Variants in REPS2 observed in about 807,000 individuals in gnomAD.
REPS2 encodes ralBP1-associated Eps domain-containing protein 2.
A neutral mutation model predicts 53.6 loss-of-function variants in REPS2; 23 were observed. That is an observed-to-expected ratio of 0.43 (90% CI 0.31 to 0.61). The LOEUF is 0.61. Among genes scored for constraint, REPS2 ranks in the 20% least tolerant of loss-of-function variants. The pLI is 0.11. For missense variants in REPS2, 446 were observed against 534.9 expected (o/e 0.83, Z 1.64); for synonymous variants, 238 against 218.6 (o/e 1.09, Z -0.78).
At position 17,120,668 on chromosome X, in the gene REPS2, G is replaced by A. The variant is rs763030682; in HGVS notation, c.1579-13156G>A. On this transcript the variant is annotated intron_variant, in intron 14 of 17. Coordinates refer to ENST00000357277, the MANE Select transcript of REPS2 (RefSeq NM_004726.3). Reference sequence around the variant, plus strand: ...CCCAGAATGAGTGCTGAAGTGGCTCGCTAAAGCACTTGCAGTCAAAGCACA... The same window carrying A: ...CCCAGAATGAGTGCTGAAGTGGCTCACTAAAGCACTTGCAGTCAAAGCACA... 8.1e-5 allele frequency among the ~76,000 whole-genome samples: 9 copies of A among 111,378 alleles called. No homozygotes were observed. The East Asian group carries it at 2.0e-3, about 25-fold the overall frequency.
intron 8 of REPS2, among the ~76,000 whole-genome samples, chrX:17,061,238 A>C (rs1335832852): frequency 1.8e-5 from 2 of 112,184 alleles, no homozygotes; most frequent in East Asian, 2.8e-4. Context: ...TTCCTTACTT[A>C]CTTACTGTAT....
At chrX:17,033,325 C>A (rs1243001535) in intron 5 of REPS2, among the ~76,000 whole-genome samples, 1 of 111,641 alleles carries the variant, frequency 9.0e-6, no homozygotes, top group African/African-American at 3.3e-5. Flanking sequence ...TCTGCCCTCC[C>A]CTTGTTATGC....
the REPS2 span, among the ~76,000 whole-genome samples, chrX:17,185,034 T>G: frequency 9.0e-6 from 1 of 111,500 alleles, no homozygotes. Context: ...ATTGTGTGGG[T>G]TGCCAGTTTG....
chrX:16,967,416 C>T (rs1349317209), intron 1 of REPS2, among the ~76,000 whole-genome samples: 1 of 110,089 alleles, frequency 9.1e-6, no homozygotes, highest in Non-Finnish European at 1.9e-5. Context: ...TAGTTTATGC[C>T]TGTAATCCCA....
chrX:16,989,335 CAT>C (rs2061133847), intron 1 of REPS2, among the ~76,000 whole-genome samples: 1 of 108,492 alleles, frequency 9.2e-6, no homozygotes, highest in Non-Finnish European at 1.9e-5. Context: ...CAATGTAAAA[CAT>C]AAAACTATAA....
chrX:17,013,693 C>T (rs993806011), intron 2 of REPS2, among the ~76,000 whole-genome samples: 1 of 109,914 alleles, frequency 9.1e-6, no homozygotes, highest in Non-Finnish European at 1.9e-5. Flanking sequence ...ATTTTGAACA[C>T]TAAATACTAT....
At chrX:17,094,647 A>C (rs1406959886) in intron 13 of REPS2, among the ~76,000 whole-genome samples, 1 of 111,824 alleles carries the variant, frequency 8.9e-6, no homozygotes, top group African/African-American at 3.3e-5. Flanking sequence ...TCTTTCTGCT[A>C]TCTTTTAATT....
intron 17 of REPS2, among the ~76,000 whole-genome samples, chrX:17,143,124 T>A (rs1402683199): frequency 9.0e-6 from 1 of 111,524 alleles, no homozygotes; most frequent in African/African-American, 3.3e-5. Flanking sequence ...AAAACTATAG[T>A]GATGTGAAAC....
chrX:17,175,753 G>C, the REPS2 span, among the ~76,000 whole-genome samples: 119 of 112,456 alleles, frequency 1.1e-3, no homozygotes, highest in Non-Finnish European at 1.6e-3. Flanking sequence ...CCAGCTGGCC[G>C]TGTGAGAATG....
At chrX:17,100,164 A>G in intron 13 of REPS2, 1 of 637,490 alleles carries the variant, frequency 1.6e-6, no homozygotes, top group Admixed American at 2.3e-5. Context: ...TCTGACTCCC[A>G]TGTGTTGTCC....
At chrX:17,034,963 T>C (rs1194013021) in intron 5 of REPS2, among the ~76,000 whole-genome samples, 1 of 110,969 alleles carries the variant, frequency 9.0e-6, no homozygotes, top group Non-Finnish European at 1.9e-5. Flanking sequence ...TTTAACTTAG[T>C]TATCTCCTTT....
intron 1 of REPS2, among the ~76,000 whole-genome samples, chrX:16,991,230 C>T (rs1046333983): frequency 9.0e-6 from 1 of 111,499 alleles, no homozygotes; most frequent in Admixed American, 9.5e-5. Flanking sequence ...GGTTTCTAGA[C>T]ACTAGACTCG....
intron 1 of REPS2, among the ~76,000 whole-genome samples, chrX:16,985,670 C>G (rs1168790705): frequency 8.9e-6 from 1 of 112,316 alleles, no homozygotes; most frequent in East Asian, 2.8e-4. Flanking sequence ...TCACTGTAGT[C>G]AGAATAGGTG....
At chrX:17,168,388 C>T in the REPS2 span, among the ~76,000 whole-genome samples, 2 of 111,364 alleles carry the variant, frequency 1.8e-5, no homozygotes, top group Admixed American at 1.9e-4. Flanking sequence ...GTAGTGCATG[C>T]CTGTAGTCCC....
intron 1 of REPS2, among the ~76,000 whole-genome samples, chrX:16,969,691 C>A (rs1010465705): frequency 6.5e-5 from 7 of 106,984 alleles, no homozygotes; most frequent in Non-Finnish European, 1.3e-4. Context: ...GTCCAGACTC[C>A]CACGGCATCA....
At chrX:17,031,652 G>C (rs2097967135) in intron 5 of REPS2, among the ~76,000 whole-genome samples, 1 of 111,551 alleles carries the variant, frequency 9.0e-6, no homozygotes, top group African/African-American at 3.3e-5. Context: ...GATGAAAATG[G>C]GCATGGGGTA....
chrX:16,969,925 A>T (rs2060862726), intron 1 of REPS2, among the ~76,000 whole-genome samples: 1 of 112,226 alleles, frequency 8.9e-6, no homozygotes, highest in Admixed American at 9.4e-5. Flanking sequence ...ATCTCCTAGT[A>T]ATTATAACCC....
chrX:17,064,385 G>T (rs751330857), intron 9 of REPS2, among the ~76,000 whole-genome samples: 2 of 111,678 alleles, frequency 1.8e-5, no homozygotes, highest in Non-Finnish European at 3.8e-5. Flanking sequence ...AGTTTAATTA[G>T]ATTTTGGAAC....
chrX:16,988,724 A>G (rs760792262), intron 1 of REPS2, among the ~76,000 whole-genome samples: 2 of 111,179 alleles, frequency 1.8e-5, no homozygotes, highest in Non-Finnish European at 3.8e-5. Flanking sequence ...ATTTACATTC[A>G]CTCAAGAAAT....
Sources: allele counts gnomAD v4.1 joint callset (sites outside exome capture counted in the v4.1 genomes callset), GRCh38; gene constraint gnomAD v4.1.1; transcripts MANE v1.5; gene names NCBI Gene and HGNC (gene_info 2026-07-23, HGNC 2026-07-21).